STRN3: variants seen among roughly 807,000 people sequenced by gnomAD.
The protein encoded by STRN3 is striatin-3.
STRN3 carries 29 observed loss-of-function variants against 95.6 expected under a neutral mutation model. That is an observed-to-expected ratio of 0.30 (90% CI 0.23 to 0.41). The LOEUF is 0.41. Ranked by LOEUF, STRN3 falls within the 10% of genes least tolerant of loss-of-function variation. The probability of loss-of-function intolerance (pLI) is 1.00; values close to 1 mark genes in which losing one functional copy is unlikely to be tolerated. For missense variants in STRN3, 890 were observed against 972.1 expected (o/e 0.92, Z 1.12); for synonymous variants, 331 against 357.6 (o/e 0.93, Z 0.84).
chr14:30,962,452 C>T (rs188740523), intron 1 of STRN3, among the ~76,000 whole-genome samples: 5 of 152,306 alleles, frequency 3.3e-5, no homozygotes, highest in Admixed American at 1.3e-4. Flanking sequence ...CAAATTCAAT[C>T]ACCACTCACT....
chr14:30,936,415 T>C (rs1439312677), intron 6 of STRN3, 80 bp downstream of exon 6: 8 of 1,469,538 alleles, frequency 5.4e-6, no homozygotes, highest in African/African-American at 2.8e-5. Flanking sequence ...TCACTCCCAA[T>C]GTAACTTAAG....
At position 30,906,993 on chromosome 14, in the gene STRN3, C is replaced by T. The variant is rs1281620293; in HGVS notation, c.1772G>A (p.Gly591Asp). 6.2e-7 allele frequency: 1 copy of T among 1,613,738 alleles called. No homozygotes were observed. The highest frequency in any genetic ancestry group is 1.7e-5 in the Admixed American group (1 of 59,990). Residue 591 changes from glycine to aspartate, a missense_variant, in exon 14 of 18, where the codon GGT becomes GAT. Transcript: ENST00000357479. ...TLVGHTDAVW[G>D]LAYSGIKNQL... ...ATTTTTTATGCCACTATAAGCAAGA[C>T]CCCAAACTGCATCTGTATGACCAAC...
At chr14:30,925,120 C>A (rs2139035289) in intron 8 of STRN3, among the ~76,000 whole-genome samples, 1 of 151,384 alleles carries the variant, frequency 6.6e-6, no homozygotes, top group South Asian at 2.1e-4. Context: ...AGATAAAGTG[C>A]ATCTCAATTA....
At chr14:30,922,280 A>G (rs1239098166) in intron 8 of STRN3, among the ~76,000 whole-genome samples, 2 of 151,952 alleles carry the variant, frequency 1.3e-5, no homozygotes, top group African/African-American at 4.8e-5. Flanking sequence ...CTCTCTCCTA[A>G]GCATCCCAAA....
chr14:30,900,375 A>AC (rs200096649), intron 16 of STRN3, among the ~76,000 whole-genome samples: 1 of 129,044 alleles, frequency 7.7e-6, no homozygotes, highest in Non-Finnish European at 1.6e-5. Context: ...AAAAAAAAAA[A>AC]CCACACCAAA....
chr14:30,972,284 C>T (rs1451853512), intron 1 of STRN3, among the ~76,000 whole-genome samples: 3 of 152,140 alleles, frequency 2.0e-5, no homozygotes, highest in Admixed American at 6.5e-5. Flanking sequence ...CCCTGACCCC[C>T]GCCAAAGCAC....
chr14:30,934,313 A>ACT (rs1878709903), intron 7 of STRN3, among the ~76,000 whole-genome samples: 1 of 152,004 alleles, frequency 6.6e-6, no homozygotes, highest in South Asian at 2.1e-4. Flanking sequence ...ACAGAGCGAG[A>ACT]CTCTGTCTCA....
chr14:30,899,749 C>G (rs558520457), intron 16 of STRN3, among the ~76,000 whole-genome samples: 9 of 152,088 alleles, frequency 5.9e-5, no homozygotes, highest in South Asian at 2.1e-4. Flanking sequence ...ATACCCCCCC[C>G]ACCCCCTCTT....
chr14:30,996,404 T>C (rs2139275964), intron 1 of STRN3, among the ~76,000 whole-genome samples: 1 of 152,276 alleles, frequency 6.6e-6, no homozygotes, highest in Non-Finnish European at 1.5e-5. Flanking sequence ...TGGCAAACCT[T>C]TTCGATAAAG....
At position 30,929,954 on chromosome 14, in the gene STRN3, C is replaced by CAAAAAAAAAAAAAAAAAAAAAAAAAA. The variant is rs1191963792; in HGVS notation, c.989-644_989-643insTTTTTTTTTTTTTTTTTTTTTTTTTT. Among the ~76,000 whole-genome samples the CAAAAAAAAAAAAAAAAAAAAAAAAAA allele has an allele frequency of 7.5e-4, 30 of 39,988 alleles. 8 individuals carry two copies. Among genetic ancestry groups the CAAAAAAAAAAAAAAAAAAAAAAAAAA allele is most frequent in the African/African-American group, 9.9e-4 (8 of 8,056 alleles). 26.2% of individuals were successfully genotyped at this position (39,988 alleles called of 152,430 possible). ...TCCATTGGTCTACAACTAAGATTAG[C>CAAAAAAAAAAAAAAAAAAAAAAAAAA]AAAAAAAAAAAAAAAAAAAAAAAAA... On this transcript the variant is annotated intron_variant, in intron 7 of 17. Coordinates refer to ENST00000357479, the MANE Select transcript of STRN3 (RefSeq NM_001083893.2).
chr14:31,013,902 ATTATTATTATTATTATTT>A (rs1253267609), intron 1 of STRN3, among the ~76,000 whole-genome samples: 3 of 109,836 alleles, frequency 2.7e-5, no homozygotes, highest in South Asian at 2.7e-4. Flanking sequence ...TATTATTATT[ATTATTATTATTATTATTT>A]GAGACAGAGT....
intron 1 of STRN3, among the ~76,000 whole-genome samples, chr14:30,963,278 A>C (rs1880303647): frequency 6.6e-6 from 1 of 152,216 alleles, no homozygotes; most frequent in Admixed American, 6.5e-5. Flanking sequence ...GAGGATCTGA[A>C]CACAACAAAT....
intron 1 of STRN3, among the ~76,000 whole-genome samples, chr14:30,978,358 G>C (rs1361092419): frequency 6.6e-6 from 1 of 151,976 alleles, no homozygotes; most frequent in African/African-American, 2.4e-5. Context: ...ATCATTAATT[G>C]GTTAAACAAG....
At chr14:30,951,923 G>A (rs977574876) in intron 3 of STRN3, among the ~76,000 whole-genome samples, 1 of 152,090 alleles carries the variant, frequency 6.6e-6, no homozygotes, top group Non-Finnish European at 1.5e-5. Context: ...TTCAACACCA[G>A]CCTGAGCAAC....
chr14:30,896,236 T>TC (rs1896144780), intron 16 of STRN3, among the ~76,000 whole-genome samples: 1 of 152,210 alleles, frequency 6.6e-6, no homozygotes, highest in South Asian at 2.1e-4. Flanking sequence ...TAATAATTAC[T>TC]CCTAAAAAAG....
chr14:30,992,568 A>T (rs1176204712), intron 1 of STRN3, among the ~76,000 whole-genome samples: 2 of 8,380 alleles, frequency 2.4e-4, no homozygotes, highest in African/African-American at 5.8e-4. Context: ...GTCTCTTTAA[A>T]AAAAAAAAAA....
At chr14:30,903,733 CAAAAGTAAA>C (rs1896387403) in intron 15 of STRN3, among the ~76,000 whole-genome samples, 1 of 152,060 alleles carries the variant, frequency 6.6e-6, no homozygotes, top group African/African-American at 2.4e-5. Context: ...TAATGAAAAT[CAAAAGTAAA>C]ATTAAACAAA....
At chr14:31,002,689 T>C (rs964394585) in intron 1 of STRN3, among the ~76,000 whole-genome samples, 4 of 150,046 alleles carry the variant, frequency 2.7e-5, no homozygotes, top group South Asian at 2.1e-4. Flanking sequence ...AGCTAAAATA[T>C]GGATGAACCT....
intron 1 of STRN3, among the ~76,000 whole-genome samples, chr14:30,990,564 GTA>G (rs1351087109): frequency 6.6e-6 from 1 of 152,096 alleles, no homozygotes; most frequent in Non-Finnish European, 1.5e-5. Flanking sequence ...AATTTAGGGT[GTA>G]TATGAGTGCC....
Sources: gnomAD v4.1 joint callset for allele counts (sites outside exome capture counted in the v4.1 genomes callset) on GRCh38, gnomAD v4.1.1 for gene constraint, MANE v1.5 for transcripts, NCBI Gene and HGNC (gene_info 2026-07-23, HGNC 2026-07-21) for gene names.